KIAA2012: variants seen among roughly 807,000 people sequenced by gnomAD.
KIAA2012 encodes the protein KIAA2012.
A neutral mutation model predicts 150.6 loss-of-function variants in KIAA2012; 125 were observed. The ratio of observed to expected loss-of-function variants is 0.83; its 90% CI spans 0.72 to 0.96. KIAA2012 has a LOEUF of 0.96. Among genes scored for constraint, KIAA2012 ranks in the 40% least tolerant of loss-of-function variants. The probability of loss-of-function intolerance (pLI) is 0.00; values close to 1 mark genes in which losing one functional copy is unlikely to be tolerated. For synonymous variants in KIAA2012, 462 were observed against 504.7 expected, an observed-to-expected ratio of 0.92 and a Z score of 1.13; for missense variants, 1,219 against 1,354.9, an observed-to-expected ratio of 0.90 and a Z score of 1.57.
intron 19 of KIAA2012, among the ~76,000 whole-genome samples, chr2:202,191,033 C>G (rs1187336323): frequency 3.9e-5 from 6 of 152,092 alleles, no homozygotes; most frequent in Admixed American, 1.3e-4. Flanking sequence ...AATCCCAGCA[C>G]TTTGGGAAGC....
chr2:202,132,276 A>C (rs1046700969), intron 12 of KIAA2012, among the ~76,000 whole-genome samples: 1 of 152,212 alleles, frequency 6.6e-6, no homozygotes, highest in Non-Finnish European at 1.5e-5. Flanking sequence ...TATTTTATAG[A>C]AATGACTCCC....
chr2:202,128,912 A>G (rs528588504), intron 12 of KIAA2012, among the ~76,000 whole-genome samples: 1 of 152,246 alleles, frequency 6.6e-6, no homozygotes, highest in East Asian at 1.9e-4. Flanking sequence ...ATTTGTTGCT[A>G]AGGGAATAGA....
chr2:202,112,201 G>A lies in KIAA2012; in HGVS notation c.1652-1135G>A, dbSNP rs1010237940. On this transcript the variant is annotated intron_variant, in intron 10 of 23. Coordinates refer to ENST00000498697, the MANE Select transcript of KIAA2012 (RefSeq NM_001277372.4). ...CAAGCGATAAGAGGATTAGAGGGTT[G>A]GAGCTTCCAGCCACAACCTCCAGGA... Among the ~76,000 whole-genome samples, 10 of 152,076 alleles carry A rather than the reference G, an allele frequency of 6.6e-5. No individual in the cohort carries two copies. The East Asian group carries it at 1.9e-3, about 29-fold the overall frequency.
rs551689572 is a variant in KIAA2012, at chr2:202,156,857, C to G, written c.2046+2047C>G. On this transcript the variant is annotated intron_variant, in intron 14 of 23. Transcript: ENST00000498697. ...CCCAGATCACGCCACTGCACTCCAG[C>G]CTGGGTGATAGAGTGAGACTCTGTC... 1.4e-4 allele frequency among the ~76,000 whole-genome samples: 22 copies of G among 152,240 alleles called. No individual in the cohort carries two copies. The South Asian group carries it at 3.1e-3, about 22-fold the overall frequency.
Position 202,138,428 on chromosome 2 carries a change from A to G in KIAA2012, c.1832-4A>G, listed in dbSNP as rs781189220. On this transcript the variant is annotated splice_polypyrimidine_tract_variant and splice_region_variant and intron_variant, in intron 12 of 23. Transcript: ENST00000498697. ...TCTTTTTTCCTCTTTGATTTTCACT[A>G]CAGCAAACACTGAACCTAGAGCCAA... 2.6e-6 allele frequency: 4 copies of G among 1,550,382 alleles called. No individual in the cohort carries two copies. The South Asian group carries it at 3.6e-5, about 14-fold the overall frequency.
intron 15 of KIAA2012, among the ~76,000 whole-genome samples, chr2:202,176,254 T>G (rs1691987424): frequency 1.3e-5 from 2 of 151,844 alleles, no homozygotes; most frequent in African/African-American, 4.8e-5. Context: ...GAAAGTGCAA[T>G]GGCATGATCT....
At chr2:202,093,739 A>G (rs1689793229) in intron 4 of KIAA2012, among the ~76,000 whole-genome samples, 1 of 152,166 alleles carries the variant, frequency 6.6e-6, no homozygotes, top group South Asian at 2.1e-4. Flanking sequence ...TCATCTCTGT[A>G]ATGGGCACAG....
At chr2:202,139,681 G>A (rs571170182) in intron 13 of KIAA2012, among the ~76,000 whole-genome samples, 1 of 152,368 alleles carries the variant, frequency 6.6e-6, no homozygotes, top group East Asian at 1.9e-4. Flanking sequence ...ACGCAGCTGA[G>A]CGGCTCCTCC....
intron 11 of KIAA2012, among the ~76,000 whole-genome samples, chr2:202,121,898 C>G (rs894192761): frequency 6.6e-6 from 1 of 152,156 alleles, no homozygotes; most frequent in East Asian, 1.9e-4. Flanking sequence ...TTAATTCTAG[C>G]CTAGGAGGTT....
chr2:202,081,543 CTTTT>C (rs71025274), intron 2 of KIAA2012, among the ~76,000 whole-genome samples: 8 of 112,736 alleles, frequency 7.1e-5, no homozygotes, highest in Non-Finnish European at 7.5e-5. Context: ...TTTTTAAACA[CTTTT>C]TTTTTTTTTT....
Position 202,097,436 on chromosome 2 carries a change from T to G in KIAA2012, c.687T>G (p.Arg229=). 2 of 1,550,352 alleles carry G rather than the reference T, an allele frequency of 1.3e-6. No individual in the cohort carries two copies. The highest frequency in any genetic ancestry group is 2.4e-5 in the South Asian group (2 of 84,042). The change falls in exon 5 of 24, where the codon CGT becomes CGG. Residue 229 remains arginine, a splice_region_variant and synonymous_variant. Transcript: ENST00000498697. ...CTGACCCATTGTTCACCATTGCAGG[T>G]CAACAGGGCCTGGATGAAGGGGAAG... The part of the protein sequence containing the change: ...WIQQGKSFEQ[R]QQGLDEGEAG...
intron 1 of KIAA2012, among the ~76,000 whole-genome samples, chr2:202,074,450 T>C (rs763070409): frequency 6.6e-6 from 1 of 152,198 alleles, no homozygotes; most frequent in Non-Finnish European, 1.5e-5. Context: ...TAATGTTACA[T>C]AGCATCTGGA....
rs1243185054 is a variant in KIAA2012, at chr2:202,193,316, A to T, written c.2827A>T (p.Arg943Trp). The T allele has an allele frequency of 6.5e-7, 1 of 1,549,676 alleles. No individual in the cohort carries two copies. The highest frequency in any genetic ancestry group is 8.7e-7 in the Non-Finnish European group (1 of 1,146,818). The part of the protein sequence containing the change: ...EDPSKALLTK[R>W]EQEKASWDRL... ...GGTTTCTTAGGCCCTCCTCACTAAG[A>T]GGGAGCAGGAGAAGGCTTCCTGGGA... The change falls in exon 20 of 24, where the codon AGG (arginine) becomes TGG (tryptophan). Residue 943 changes from arginine to tryptophan, a missense_variant. Coordinates refer to ENST00000498697, the MANE Select transcript of KIAA2012 (RefSeq NM_001277372.4).
chr2:202,177,978 C>A (rs1692032181), intron 15 of KIAA2012, among the ~76,000 whole-genome samples: 1 of 152,210 alleles, frequency 6.6e-6, no homozygotes, highest in South Asian at 2.1e-4. Context: ...GCAGGCAGAT[C>A]ACTTGAGTTC....
intron 5 of KIAA2012, among the ~76,000 whole-genome samples, chr2:202,098,789 C>CGTGTGCGT (rs1553552048): frequency 2.0e-5 from 3 of 148,412 alleles, no homozygotes; most frequent in Non-Finnish European, 4.5e-5. Context: ...ACTCTAAGGC[C>CGTGTGCGT]GTGTGTGTGT....
rs747868451 is a variant in KIAA2012, at chr2:202,190,275, C to G, written c.2593C>G (p.Leu865Val). 2.6e-6 allele frequency: 4 copies of G among 1,550,518 alleles called. No homozygotes were observed. Among genetic ancestry groups the G allele is most frequent in the South Asian group, 2.4e-5 (2 of 84,032 alleles). ...AAGAAATCTGGAGATAGCGGCAGAGCTGAGCGGGCCTGATGTCAGCTATGA... is the reference window on the plus strand; with the variant it reads ...AAGAAATCTGGAGATAGCGGCAGAGGTGAGCGGGCCTGATGTCAGCTATGA... ...KERNLEIAAE[L>V]SGPDVSYEET... The change falls in exon 19 of 24, where the codon CTG becomes GTG. Residue 865 changes from leucine (L) to valine (V), a missense_variant. By Grantham distance (32) the Leu-to-Val change is conservative. Coordinates refer to ENST00000498697, the MANE Select transcript of KIAA2012 (RefSeq NM_001277372.4).
chr2:202,086,893 G>A (rs1173843317), intron 2 of KIAA2012, among the ~76,000 whole-genome samples: 18 of 151,966 alleles, frequency 1.2e-4, no homozygotes, highest in Admixed American at 1.2e-3. Flanking sequence ...CTTTTTTCCA[G>A]TGCTTGTTTC....
At chr2:202,198,349 A>G (rs1273991190) in intron 22 of KIAA2012, among the ~76,000 whole-genome samples, 1 of 152,150 alleles carries the variant, frequency 6.6e-6, no homozygotes, top group African/African-American at 2.4e-5. Flanking sequence ...GTAAATACAA[A>G]GGTCTGAAGA....
chr2:202,079,926 G>T (rs12464769), intron 2 of KIAA2012, among the ~76,000 whole-genome samples: 23,317 of 152,190 alleles, frequency 0.15, 2,061 homozygotes, highest in South Asian at 0.26. Context: ...TTAAAATTCA[G>T]TTCACAGGGC....
Sources: gnomAD v4.1 joint callset for allele counts (sites outside exome capture counted in the v4.1 genomes callset) on GRCh38, gnomAD v4.1.1 for gene constraint, MANE v1.5 for transcripts, NCBI Gene and HGNC (gene_info 2026-07-23, HGNC 2026-07-21) for gene names.